OXCT1: variants seen among roughly 807,000 people sequenced by gnomAD.
The protein encoded by OXCT1 is 3-oxoacid CoA-transferase 1, also known as succinyl-CoA:3-ketoacid coenzyme A transferase 1, mitochondrial.
Under a neutral mutation model 69.6 loss-of-function variants are expected in OXCT1, and 27 were observed. That is an observed-to-expected ratio of 0.39 (90% CI 0.29 to 0.54). OXCT1 has a LOEUF of 0.54. OXCT1 is among the 20% of genes least tolerant of loss of function. The pLI, the probability that OXCT1 is intolerant of heterozygous loss-of-function variation, is 0.72. For missense variants in OXCT1, 437 were observed against 650.2 expected, an observed-to-expected ratio of 0.67 and a Z score of 3.57; for synonymous variants, 202 against 217.8, an observed-to-expected ratio of 0.93 and a Z score of 0.64.
chr5:41,801,205 A>G, intron 10 of OXCT1, 135 bp from the exon 11 acceptor site: 1 of 722,570 alleles, frequency 1.4e-6, no homozygotes, highest in African/African-American at 1.8e-5. Context: ...CTTTTGAAAA[A>G]TAATTCGGTT....
At chr5:41,800,591 T>A (rs1746376615) in intron 11 of OXCT1, among the ~76,000 whole-genome samples, 1 of 151,346 alleles carries the variant, frequency 6.6e-6, no homozygotes, top group Admixed American at 6.6e-5. Flanking sequence ...AAGGCCACAG[T>A]TCCATTAAGT....
At chr5:41,737,473 G>C (rs1221402298) in intron 16 of OXCT1, among the ~76,000 whole-genome samples, 1 of 152,050 alleles carries the variant, frequency 6.6e-6, no homozygotes, top group Non-Finnish European at 1.5e-5. Context: ...TGTGGATCTT[G>C]AAAATGTTAT....
At chr5:41,861,923 C>A (rs1464188994) in intron 2 of OXCT1, among the ~76,000 whole-genome samples, 3 of 152,120 alleles carry the variant, frequency 2.0e-5, no homozygotes, top group Non-Finnish European at 4.4e-5. Flanking sequence ...CAGAAGCAGG[C>A]AGCAAGTTGG....
chr5:41,768,295 TC>T (rs1744713801), intron 13 of OXCT1, among the ~76,000 whole-genome samples: 1 of 152,130 alleles, frequency 6.6e-6, no homozygotes, highest in Admixed American at 6.6e-5. Flanking sequence ...TCCTCCACAT[TC>T]TTCTACCTTC....
intron 13 of OXCT1, among the ~76,000 whole-genome samples, chr5:41,772,569 G>T (rs1744926993): frequency 6.6e-6 from 1 of 152,052 alleles, no homozygotes; most frequent in South Asian, 2.1e-4. Flanking sequence ...TATAGGACTG[G>T]GTGGAAGAAT....
intron 14 of OXCT1, among the ~76,000 whole-genome samples, chr5:41,752,439 T>C (rs930117184): frequency 2.6e-5 from 4 of 151,978 alleles, no homozygotes; most frequent in African/African-American, 7.2e-5. Flanking sequence ...GGCAGAGAAA[T>C]AGATACAAAG....
intron 13 of OXCT1, among the ~76,000 whole-genome samples, chr5:41,781,062 C>T (rs1009345271): frequency 3.3e-5 from 5 of 152,078 alleles, no homozygotes; most frequent in African/African-American, 1.2e-4. Flanking sequence ...CACCACCACG[C>T]CCAGCTGATT....
chr5:41,852,007 G>C (rs1214577708), intron 4 of OXCT1, among the ~76,000 whole-genome samples: 1 of 152,128 alleles, frequency 6.6e-6, no homozygotes, highest in Non-Finnish European at 1.5e-5. Flanking sequence ...GGTATGATTA[G>C]TGTTCCTACA....
intron 16 of OXCT1, among the ~76,000 whole-genome samples, chr5:41,737,332 T>C (rs897585454): frequency 2.6e-5 from 4 of 152,192 alleles, no homozygotes; most frequent in African/African-American, 9.7e-5. Flanking sequence ...CACCTTTTAT[T>C]GGAAAACAAA....
chr5:41,742,173 T>G (rs922822277), intron 15 of OXCT1, among the ~76,000 whole-genome samples: 1 of 152,156 alleles, frequency 6.6e-6, no homozygotes, highest in Admixed American at 6.5e-5. Flanking sequence ...AAAACCTTAT[T>G]AACACATTTA....
chr5:41,849,935 T>C (rs529871315), intron 5 of OXCT1, 95 bp downstream of exon 5: 37 of 1,253,176 alleles, frequency 3.0e-5, no homozygotes, highest in African/African-American at 2.6e-4. Context: ...TTTTCTCACA[T>C]AGAGGTGATT....
intron 13 of OXCT1, among the ~76,000 whole-genome samples, chr5:41,792,298 A>G (rs1157697800): frequency 6.6e-6 from 1 of 152,196 alleles, no homozygotes; most frequent in East Asian, 1.9e-4. Context: ...AGCGTCAGAA[A>G]TAAGACTTTA....
At chr5:41,776,023 T>G (rs1157050428) in intron 13 of OXCT1, among the ~76,000 whole-genome samples, 2 of 152,004 alleles carry the variant, frequency 1.3e-5, no homozygotes, top group East Asian at 3.9e-4. Context: ...GCAAACCTGG[T>G]AAGCACTACC....
At chr5:41,848,770 T>C (rs1218903511) in intron 5 of OXCT1, among the ~76,000 whole-genome samples, 4 of 151,986 alleles carry the variant, frequency 2.6e-5, no homozygotes, top group African/African-American at 9.7e-5. Flanking sequence ...TTACACCTTA[T>C]ACAAAAATCA....
At chr5:41,831,857 T>G (rs1209803558) in intron 7 of OXCT1, among the ~76,000 whole-genome samples, 1 of 152,184 alleles carries the variant, frequency 6.6e-6, no homozygotes, top group Admixed American at 6.5e-5. Flanking sequence ...TATTATCAGT[T>G]ACACTGCAAT....
chr5:41,740,997 CT>C (rs1485400785), intron 15 of OXCT1, among the ~76,000 whole-genome samples: 4 of 149,756 alleles, frequency 2.7e-5, no homozygotes, highest in Non-Finnish European at 5.9e-5. Flanking sequence ...GTCACCCAGG[CT>C]GGAGTGCAAT....
intron 1 of OXCT1, among the ~76,000 whole-genome samples, chr5:41,864,124 C>T (rs1749860477): frequency 6.6e-6 from 1 of 152,160 alleles, no homozygotes; most frequent in Non-Finnish European, 1.5e-5. Context: ...TTCCCTTTCC[C>T]CTACTTCATC....
intron 14 of OXCT1, among the ~76,000 whole-genome samples, chr5:41,750,139 T>G (rs1743703061): frequency 6.8e-6 from 1 of 146,974 alleles, no homozygotes; most frequent in East Asian, 2.0e-4. Context: ...TTTTTGGTTT[T>G]TTTTTTTTTT....
chr5:41,840,356 T>A, intron 7 of OXCT1, 95 bp downstream of exon 7: 1 of 904,788 alleles, frequency 1.1e-6, no homozygotes. Context: ...GTCATTGTTA[T>A]CCATAAAACA....
Sources: allele counts gnomAD v4.1 joint callset (sites outside exome capture counted in the v4.1 genomes callset), GRCh38; gene constraint gnomAD v4.1.1; transcripts MANE v1.5; gene names NCBI Gene and HGNC (gene_info 2026-07-23, HGNC 2026-07-21).